OPCML: variants seen among roughly 807,000 people sequenced by gnomAD.
OPCML encodes opioid binding protein/cell adhesion molecule like, also known as opioid-binding protein/cell adhesion molecule.
Under a neutral mutation model 37.8 loss-of-function variants are expected in OPCML, and 13 were observed. The observed-to-expected ratio is 0.34, with a 90% CI of 0.22 to 0.55. OPCML has a LOEUF of 0.55. Ranked by LOEUF, OPCML falls within the 20% of genes least tolerant of loss-of-function variation. The pLI is 0.91. For missense variants in OPCML, 341 were observed against 435.6 expected, an observed-to-expected ratio of 0.78 and a Z score of 1.93; for synonymous variants, 176 against 168.8, an observed-to-expected ratio of 1.04 and a Z score of -0.33.
chr11:132,895,376 C>G (rs1943799697), intron 2 of OPCML, among the ~76,000 whole-genome samples: 2 of 152,178 alleles, frequency 1.3e-5, no homozygotes. Context: ...ATTTCCTGCC[C>G]CAGCTCTACA....
intron 1 of OPCML, among the ~76,000 whole-genome samples, chr11:133,395,138 CT>C (rs1444564419): frequency 6.6e-6 from 1 of 152,118 alleles, no homozygotes; most frequent in Non-Finnish European, 1.5e-5. Flanking sequence ...GGTTGAGCAC[CT>C]TTTCATATGC....
chr11:132,961,472 G>A (rs1461045928), intron 1 of OPCML, among the ~76,000 whole-genome samples: 19 of 152,204 alleles, frequency 1.2e-4, no homozygotes, highest in Non-Finnish European at 1.5e-5. Flanking sequence ...CACATTTAAG[G>A]TGGAAGAGTC....
At chr11:132,713,596 T>C (rs1944353748) in intron 2 of OPCML, among the ~76,000 whole-genome samples, 1 of 152,230 alleles carries the variant, frequency 6.6e-6, no homozygotes, top group Non-Finnish European at 1.5e-5. Flanking sequence ...AACAAAGATA[T>C]GTTCATTGAT....
At chr11:132,725,872 C>T (rs544283163) in intron 2 of OPCML, among the ~76,000 whole-genome samples, 1 of 151,996 alleles carries the variant, frequency 6.6e-6, no homozygotes, top group East Asian at 1.9e-4. Flanking sequence ...TAGGCAGGGG[C>T]AAAATGCTAC....
At chr11:132,969,318 T>C (rs1946287750) in intron 1 of OPCML, among the ~76,000 whole-genome samples, 1 of 152,230 alleles carries the variant, frequency 6.6e-6, no homozygotes, top group Non-Finnish European at 1.5e-5. Flanking sequence ...AGTCCTTGTA[T>C]GTGATAAGTT....
At chr11:133,520,437 T>A (rs547301015) in intron 1 of OPCML, among the ~76,000 whole-genome samples, 1 of 152,082 alleles carries the variant, frequency 6.6e-6, no homozygotes, top group South Asian at 2.1e-4. Flanking sequence ...TGGTGCTAAA[T>A]CAGTGGTGCT....
At chr11:133,104,983 C>A (rs988340179) in intron 1 of OPCML, among the ~76,000 whole-genome samples, 1 of 152,096 alleles carries the variant, frequency 6.6e-6, no homozygotes, top group African/African-American at 2.4e-5. Context: ...TATTAATAGG[C>A]CAAAATAATT....
At chr11:133,531,429 C>A (rs1020228338) in intron 1 of OPCML, among the ~76,000 whole-genome samples, 2 of 152,176 alleles carry the variant, frequency 1.3e-5, no homozygotes. Flanking sequence ...GAGAATCAGG[C>A]AAATCCAAAT....
At chr11:132,994,104 G>A (rs1476719037) in intron 1 of OPCML, among the ~76,000 whole-genome samples, 1 of 152,200 alleles carries the variant, frequency 6.6e-6, no homozygotes, top group Non-Finnish European at 1.5e-5. Context: ...ACTGCTGCAC[G>A]TTTAATTAGA....
intron 3 of OPCML, among the ~76,000 whole-genome samples, chr11:132,591,353 T>C (rs906781460): frequency 3.9e-5 from 6 of 152,228 alleles, no homozygotes; most frequent in Non-Finnish European, 7.3e-5. Flanking sequence ...ATGTGTTTCA[T>C]ATACCAAGTG....
intron 2 of OPCML, among the ~76,000 whole-genome samples, chr11:132,786,433 G>C (rs1565862704): frequency 6.6e-6 from 1 of 152,176 alleles, no homozygotes; most frequent in East Asian, 1.9e-4. Context: ...CTCAAATAAA[G>C]TAAGTGATTT....
At position 132,842,162 on chromosome 11, in the gene OPCML, C is replaced by T. The variant is rs550267968; in HGVS notation, c.146+100764G>A. On this transcript the variant is annotated intron_variant, in intron 2 of 7. Transcript: ENST00000524381. ...GTCCTTCAGATGTAAATGTGTGTTTCTGTAACCCCGTTTACTACTTTACCC... is the reference window on the plus strand; with the variant it reads ...GTCCTTCAGATGTAAATGTGTGTTTTTGTAACCCCGTTTACTACTTTACCC... Among the ~76,000 whole-genome samples the T allele has an allele frequency of 5.1e-4, 77 of 152,276 alleles. 1 individual carries two copies. The highest frequency in any genetic ancestry group is 1.7e-3 in the African/African-American group (72 of 41,558).
chr11:132,634,794 G>A (rs1940381318), intron 3 of OPCML, among the ~76,000 whole-genome samples: 2 of 152,126 alleles, frequency 1.3e-5, no homozygotes, highest in Admixed American at 6.5e-5. Flanking sequence ...TCAAGTGGCA[G>A]GAAATTGAAC....
intron 1 of OPCML, among the ~76,000 whole-genome samples, chr11:133,508,203 T>C (rs996194156): frequency 6.6e-6 from 1 of 151,190 alleles, no homozygotes; most frequent in African/African-American, 2.4e-5. Context: ...AGAGAAAGAG[T>C]TTTTACTGTG....
Position 133,489,854 on chromosome 11 carries a change from T to TATA in OPCML, c.61+42409_61+42410insTAT, listed in dbSNP as rs1565663452. 4.8e-3 allele frequency among the ~76,000 whole-genome samples: 480 copies of TATA among 100,806 alleles called. 3 individuals carry two copies. The highest frequency in any genetic ancestry group is 0.018 in the African/African-American group (454 of 25,782). The allele number at this position is 100,806 out of a possible 152,430, so 66.1% of individuals were successfully genotyped here. ...TATATACATATATATATATATATAT[T>TATA]TTTTTATACATGCACACACATATAC... On this transcript the variant is annotated intron_variant, in intron 1 of 7. Coordinates refer to ENST00000524381, the MANE Select transcript of OPCML (RefSeq NM_001012393.5).
chr11:133,329,683 T>C (rs1943571103), intron 1 of OPCML, among the ~76,000 whole-genome samples: 1 of 152,128 alleles, frequency 6.6e-6, no homozygotes, highest in Non-Finnish European at 1.5e-5. Flanking sequence ...ATACAAAAAT[T>C]AATTCAAGAT....
chr11:132,796,630 G>A (rs1441341268), intron 2 of OPCML, among the ~76,000 whole-genome samples: 3 of 137,852 alleles, frequency 2.2e-5, no homozygotes, highest in Non-Finnish European at 4.5e-5. Flanking sequence ...CTGGAGTGCA[G>A]TGGCACGATC....
chr11:133,450,893 G>C (rs1033796322), intron 1 of OPCML, among the ~76,000 whole-genome samples: 18 of 151,766 alleles, frequency 1.2e-4, no homozygotes, highest in South Asian at 2.1e-4. Context: ...TTATTGAATA[G>C]ACAGTGTACA....
At chr11:132,546,895 AT>A (rs2096369963) in intron 3 of OPCML, among the ~76,000 whole-genome samples, 1 of 152,210 alleles carries the variant, frequency 6.6e-6, no homozygotes, top group African/African-American at 2.4e-5. Context: ...TGCCTCACAG[AT>A]GGGACACATT....
Sources: gnomAD v4.1 joint callset for allele counts (sites outside exome capture counted in the v4.1 genomes callset) on GRCh38, gnomAD v4.1.1 for gene constraint, MANE v1.5 for transcripts, NCBI Gene and HGNC (gene_info 2026-07-23, HGNC 2026-07-21) for gene names.